Variants in PBX1 observed in about 807,000 individuals in gnomAD.
PBX1 encodes the protein PBX homeobox 1.
In PBX1, 6 loss-of-function variants were observed where a neutral mutation model predicts 53.4. The observed-to-expected ratio is 0.11, with a 90% confidence interval of 0.06 to 0.22. The LOEUF (loss-of-function observed/expected upper bound fraction) is 0.22, where lower values mean the gene tolerates loss of function less well. PBX1 is among the 10% of genes least tolerant of loss of function. PBX1 has a pLI of 1.00. For synonymous variants in PBX1, 204 were observed against 212.3 expected, an observed-to-expected ratio of 0.96 and a Z score of 0.34; for missense variants, 251 against 551.4, an observed-to-expected ratio of 0.46 and a Z score of 5.46.
intron 2 of PBX1, among the ~76,000 whole-genome samples, chr1:164,654,440 C>T (rs529884282): frequency 1.2e-4 from 18 of 152,298 alleles, no homozygotes; most frequent in African/African-American, 4.3e-4. Context: ...ATTATCTCAT[C>T]GCTGATGGCC....
At chr1:164,744,723 G>C (rs1166365122) in intron 2 of PBX1, among the ~76,000 whole-genome samples, 3 of 152,196 alleles carry the variant, frequency 2.0e-5, no homozygotes, top group Non-Finnish European at 2.9e-5. Flanking sequence ...AAAGACTGCA[G>C]ACGTGGCCTC....
chr1:164,634,872 C>G (rs1658643892), intron 2 of PBX1, among the ~76,000 whole-genome samples: 1 of 151,954 alleles, frequency 6.6e-6, no homozygotes, highest in Admixed American at 6.6e-5. Context: ...CAGGTTTCAC[C>G]AACTATGTGC....
chr1:164,751,455 T>C (rs901591429), intron 2 of PBX1, among the ~76,000 whole-genome samples: 3 of 152,202 alleles, frequency 2.0e-5, no homozygotes, highest in Admixed American at 6.5e-5. Context: ...CATCTTCTTT[T>C]AAGTCAGACC....
chr1:164,787,647 A>C (rs1037124651), intron 2 of PBX1: 7 of 152,222 alleles, frequency 4.6e-5, no homozygotes, highest in African/African-American at 1.4e-4. Flanking sequence ...AGAAAGAAAG[A>C]ACAGCAGGAG....
At chr1:164,580,790 G>A (rs1482030339) in intron 2 of PBX1, among the ~76,000 whole-genome samples, 1 of 152,114 alleles carries the variant, frequency 6.6e-6, no homozygotes, top group Non-Finnish European at 1.5e-5. Context: ...TGTTGGCCAG[G>A]CTGGCCTGGA....
chr1:164,563,329 A>G lies in PBX1; in HGVS notation c.265+18A>G, dbSNP rs1557862109. ...AAAAACAGGTAGGAATGAGATTCCAACATTTTAGCATTTTCTTTGGCCAAT... is the reference window on the plus strand; with the variant it reads ...AAAAACAGGTAGGAATGAGATTCCAGCATTTTAGCATTTTCTTTGGCCAAT... On this transcript the variant is annotated intron_variant, in intron 2 of 8. Transcript: ENST00000420696. The G allele has an allele frequency of 1.3e-6, 2 of 1,545,898 alleles. No homozygotes were observed. Among genetic ancestry groups the G allele is most frequent in the Non-Finnish European group, 1.8e-6 (2 of 1,121,688 alleles).
intron 2 of PBX1, among the ~76,000 whole-genome samples, chr1:164,614,574 C>T (rs552601318): frequency 2.6e-5 from 4 of 152,278 alleles, no homozygotes; most frequent in Admixed American, 2.0e-4. Flanking sequence ...TGCCACCTGG[C>T]TGCTGACTGG....
At chr1:164,709,414 AAG>A (rs982376450) in intron 2 of PBX1, among the ~76,000 whole-genome samples, 4 of 152,098 alleles carry the variant, frequency 2.6e-5, no homozygotes, top group Admixed American at 2.0e-4. Context: ...AAAATAGAAA[AAG>A]GGGGAAAAAC....
Position 164,849,551 on chromosome 1 carries a change from C to A in PBX1, c.*2875C>A. ...ATGCACCCCAGGATTTCTTCATTTTCTAATAGATGTGGGAGTGCTCCATTT... is the reference window on the plus strand; with the variant it reads ...ATGCACCCCAGGATTTCTTCATTTTATAATAGATGTGGGAGTGCTCCATTT... On this transcript the variant is annotated 3_prime_UTR_variant, in exon 9 of 9. Coordinates refer to ENST00000420696, the MANE Select transcript of PBX1 (RefSeq NM_002585.4). 1 of 1,208,384 alleles carries A rather than the reference C, an allele frequency of 8.3e-7. No homozygotes were observed. The highest frequency in any genetic ancestry group is 1.1e-6 in the Non-Finnish European group (1 of 881,046). 74.9% of individuals were successfully genotyped at this position (1,208,384 alleles called of 1,614,324 possible). A position where few individuals can be genotyped will look rare whatever the true frequency, so the allele number is the denominator to read the frequency against.
At chr1:164,791,599 T>C (rs1668511871) in intron 2 of PBX1, among the ~76,000 whole-genome samples, 1 of 152,152 alleles carries the variant, frequency 6.6e-6, no homozygotes, top group Non-Finnish European at 1.5e-5. Context: ...TCAGGTGATT[T>C]TGGAAATGAA....
At chr1:164,878,424 T>A (rs936720244) in intron 2 of PBX1, among the ~76,000 whole-genome samples, 4 of 152,224 alleles carry the variant, frequency 2.6e-5, no homozygotes, top group Non-Finnish European at 4.4e-5. Context: ...AGCCTGCCTA[T>A]GTTGTGCCAA....
At chr1:164,826,876 G>A (rs1670493980) in intron 8 of PBX1, among the ~76,000 whole-genome samples, 1 of 150,876 alleles carries the variant, frequency 6.6e-6, no homozygotes, top group Admixed American at 6.6e-5. Context: ...ATCAATTTAT[G>A]ACACAAAAAA....
intron 2 of PBX1, among the ~76,000 whole-genome samples, chr1:164,755,998 G>A (rs199645829): frequency 2.8e-4 from 35 of 124,998 alleles, no homozygotes; most frequent in Non-Finnish European, 2.5e-4. Flanking sequence ...CCCGATTCAG[G>A]AAAAAAAAAA....
At position 164,722,922 on chromosome 1, in the gene PBX1, C is replaced by T. The variant is rs573816944; in HGVS notation, c.266-69572C>T. ...TACATGTATGATTTTTTAGTACTCC[C>T]TGTTAACAGTAAGCATGGAATTTCT... On this transcript the variant is annotated intron_variant, in intron 2 of 8. Coordinates refer to ENST00000420696, the MANE Select transcript of PBX1 (RefSeq NM_002585.4). 2.8e-4 allele frequency among the ~76,000 whole-genome samples: 42 copies of T among 152,272 alleles called. No homozygotes were observed. In the South Asian group the frequency reaches 5.4e-3, roughly 20 times the overall value.
Position 164,849,348 on chromosome 1 carries a change from C to T in PBX1, c.*2672C>T, listed in dbSNP as rs1215873715. 2.3e-5 allele frequency: 35 copies of T among 1,535,562 alleles called. No individual in the cohort carries two copies. Among genetic ancestry groups the T allele is most frequent in the Non-Finnish European group, 3.0e-5 (34 of 1,146,788 alleles). On this transcript the variant is annotated 3_prime_UTR_variant, in exon 9 of 9. Transcript: ENST00000420696. ...GTCTTCTCTATACCCAGCACCTCCC[C>T]CGGCACCCCCGGCAAGCCCACTATC...
intron 2 of PBX1, among the ~76,000 whole-genome samples, chr1:164,859,416 T>G (rs149962254): frequency 1.2e-4 from 18 of 152,300 alleles, no homozygotes; most frequent in African/African-American, 4.3e-4. Flanking sequence ...CCATTTATCC[T>G]CTGCACCCAA....
intron 2 of PBX1, among the ~76,000 whole-genome samples, chr1:164,685,461 T>C (rs1662041977): frequency 6.6e-6 from 1 of 152,178 alleles, no homozygotes; most frequent in Non-Finnish European, 1.5e-5. Flanking sequence ...GTGGAAGAAA[T>C]GCAGAGTCCA....
chr1:164,774,442 C>T (rs1327433239), intron 2 of PBX1: 1 of 152,128 alleles, frequency 6.6e-6, no homozygotes, highest in African/African-American at 2.4e-5. Flanking sequence ...TTTCTGAGTC[C>T]TGGTTCAAAT....
intron 2 of PBX1, among the ~76,000 whole-genome samples, chr1:164,755,991 G>A (rs370223456): frequency 1.7e-5 from 2 of 116,478 alleles, no homozygotes; most frequent in African/African-American, 3.1e-5. Context: ...TGTAAAACCC[G>A]ATTCAGGAAA....
Sources: gnomAD v4.1 joint callset for allele counts (sites outside exome capture counted in the v4.1 genomes callset) on GRCh38, gnomAD v4.1.1 for gene constraint, MANE v1.5 for transcripts, NCBI Gene and HGNC (gene_info 2026-07-23, HGNC 2026-07-21) for gene names.